Variants in CNTN3 observed in about 807,000 individuals in gnomAD.
The protein encoded by CNTN3 is contactin-3.
In CNTN3, 60 loss-of-function variants were observed where a neutral mutation model predicts 119.1. That is an observed-to-expected ratio of 0.50 (90% CI 0.41 to 0.62). CNTN3 has a LOEUF of 0.62. Among genes scored for constraint, CNTN3 ranks in the 20% least tolerant of loss-of-function variants. CNTN3 has a pLI of 0.00. For missense variants in CNTN3, 1,101 were observed against 1,242.4 expected (o/e 0.89, Z 1.71); for synonymous variants, 450 against 438.7 (o/e 1.03, Z -0.32).
chr3:74,440,194 T>G (rs1701938144), intron 4 of CNTN3, among the ~76,000 whole-genome samples: 1 of 152,194 alleles, frequency 6.6e-6, no homozygotes, highest in African/African-American at 2.4e-5. Context: ...CTAACTAGAA[T>G]GTAAGCTTCA....
intron 19 of CNTN3, among the ~76,000 whole-genome samples, chr3:74,292,999 A>G (rs1702263908): frequency 6.8e-6 from 1 of 147,440 alleles, no homozygotes; most frequent in Non-Finnish European, 1.5e-5. Context: ...TCCTGTATTT[A>G]TGTGGTGTTT....
chr3:74,295,916 T>C (rs1702329046), intron 18 of CNTN3, among the ~76,000 whole-genome samples: 1 of 152,178 alleles, frequency 6.6e-6, no homozygotes, highest in African/African-American at 2.4e-5. Context: ...GACAAGGATC[T>C]TGCTTGATGC....
At chr3:74,314,805 T>G (rs1702789262) in intron 13 of CNTN3, among the ~76,000 whole-genome samples, 1 of 152,210 alleles carries the variant, frequency 6.6e-6, no homozygotes, top group East Asian at 1.9e-4. Context: ...TTGTATATAA[T>G]GGACATCTAT....
intron 4 of CNTN3, among the ~76,000 whole-genome samples, chr3:74,470,126 T>G (rs1027125567): frequency 7.2e-5 from 11 of 151,946 alleles, no homozygotes; most frequent in African/African-American, 2.7e-4. Flanking sequence ...ATGTCCAGAA[T>G]AGGCAAACCC....
intron 5 of CNTN3, among the ~76,000 whole-genome samples, chr3:74,399,316 C>T (rs1325096160): frequency 2.0e-5 from 3 of 151,932 alleles, no homozygotes; most frequent in Admixed American, 6.6e-5. Flanking sequence ...TCTGACAGGC[C>T]CCAGTGTGTG....
At chr3:74,547,874 C>T (rs1416152470) in intron 1 of CNTN3, among the ~76,000 whole-genome samples, 1 of 152,086 alleles carries the variant, frequency 6.6e-6, no homozygotes, top group African/African-American at 2.4e-5. Flanking sequence ...GTTTCTCCCG[C>T]CACAAAATTA....
At chr3:74,475,504 G>A (rs774616083) in intron 4 of CNTN3, among the ~76,000 whole-genome samples, 43 of 152,130 alleles carry the variant, frequency 2.8e-4, no homozygotes, top group Non-Finnish European at 4.9e-4. Context: ...GAAATAAGAC[G>A]TTTTGCACAC....
intron 11 of CNTN3, among the ~76,000 whole-genome samples, chr3:74,351,802 A>G (rs1703823264): frequency 6.6e-6 from 1 of 152,146 alleles, no homozygotes; most frequent in South Asian, 2.1e-4. Context: ...TCCCAAACCC[A>G]AACTCTGGGA....
At chr3:74,461,956 G>A (rs1218468805) in intron 4 of CNTN3, among the ~76,000 whole-genome samples, 1 of 152,080 alleles carries the variant, frequency 6.6e-6, no homozygotes, top group Non-Finnish European at 1.5e-5. Context: ...ATCTCATGTT[G>A]ACTTGTAATG....
At chr3:74,276,287 G>A (rs911570395) in intron 20 of CNTN3, among the ~76,000 whole-genome samples, 8 of 152,074 alleles carry the variant, frequency 5.3e-5, no homozygotes, top group Non-Finnish European at 1.2e-4. Flanking sequence ...GGAACAAATG[G>A]CCTTAACAGA....
At chr3:74,369,130 T>C (rs900136546) in intron 8 of CNTN3, 59 bp downstream of exon 8, 55 of 1,335,822 alleles carry the variant, frequency 4.1e-5, no homozygotes, top group Non-Finnish European at 5.3e-5. Context: ...ATAACAACCA[T>C]ATTTTATAGA....
intron 4 of CNTN3, among the ~76,000 whole-genome samples, chr3:74,463,528 T>C (rs1702409110): frequency 6.6e-6 from 1 of 152,110 alleles, no homozygotes; most frequent in African/African-American, 2.4e-5. Context: ...GAGGAACTAA[T>C]TGGTTTTCTG....
intron 1 of CNTN3, among the ~76,000 whole-genome samples, chr3:74,587,166 G>A (rs550717050): frequency 1.6e-4 from 25 of 152,036 alleles, no homozygotes; most frequent in Non-Finnish European, 2.6e-4. Flanking sequence ...ATGTAATGTG[G>A]GTGGGAGGTG....
chr3:74,485,178 A>T (rs115381274), intron 4 of CNTN3, among the ~76,000 whole-genome samples: 15 of 152,056 alleles, frequency 9.9e-5, no homozygotes, highest in Non-Finnish European at 1.6e-4. Flanking sequence ...ACATAATTTA[A>T]ATCAACCATG....
At chr3:74,473,328 C>A (rs1413294440) in intron 4 of CNTN3, among the ~76,000 whole-genome samples, 6 of 152,156 alleles carry the variant, frequency 3.9e-5, no homozygotes, top group Admixed American at 2.0e-4. Flanking sequence ...CTGCTCTCAA[C>A]TTCCAGGTCA....
chr3:74,606,370 T>C (rs1382573543), intron 1 of CNTN3, among the ~76,000 whole-genome samples: 8 of 151,998 alleles, frequency 5.3e-5, no homozygotes, highest in Admixed American at 2.0e-4. Context: ...CCTCACAAGT[T>C]TATGATTTGG....
At position 74,364,538 on chromosome 3, in the gene CNTN3, G is replaced by C; in HGVS notation, c.1142C>G (p.Ser381Cys). Residue 381 changes from serine (S) to cysteine (C), a missense_variant, in exon 10 of 23, where the codon TCT (serine) becomes TGT (cysteine). Physicochemically the swap from Ser to Cys is moderately radical, Grantham distance 112 (BLOSUM62 -1). Transcript: ENST00000263665. ...TTCTGCTATGCATTGGAACATGCCA[G>C]AATCAGTCACACTTAGGTTTGATAT... is the stretch of plus-strand genomic sequence containing the variant. Reference protein sequence around the residue: ...LTISNLSVTDSGMFQCIAENK... With the variant: ...LTISNLSVTDCGMFQCIAENK... 1.9e-6 allele frequency: 3 copies of C among 1,611,886 alleles called. No individual in the cohort carries two copies. Among genetic ancestry groups the C allele is most frequent in the Non-Finnish European group, 2.5e-6 (3 of 1,178,370 alleles).
At chr3:74,508,165 T>G (rs905629779) in intron 2 of CNTN3, among the ~76,000 whole-genome samples, 1 of 152,148 alleles carries the variant, frequency 6.6e-6, no homozygotes, top group African/African-American at 2.4e-5. Flanking sequence ...GCTGTTCTAG[T>G]GATAGTGAGT....
At chr3:74,381,244 C>T (rs955322705) in intron 5 of CNTN3, among the ~76,000 whole-genome samples, 1 of 151,598 alleles carries the variant, frequency 6.6e-6, no homozygotes, top group Admixed American at 6.6e-5. Context: ...TTTTCTGAAT[C>T]GGTTAAAATA....
Sources: allele counts gnomAD v4.1 joint callset (sites outside exome capture counted in the v4.1 genomes callset), GRCh38; gene constraint gnomAD v4.1.1; transcripts MANE v1.5; gene names NCBI Gene and HGNC (gene_info 2026-07-23, HGNC 2026-07-21).